FIRRM: variants seen among roughly 807,000 people sequenced by gnomAD.
The protein encoded by FIRRM is FIGNL1 interacting regulator of recombination and mitosis.
the FIRRM span, among the ~76,000 whole-genome samples, chr1:169,839,320 G>C: frequency 6.6e-6 from 1 of 152,216 alleles, no homozygotes; most frequent in Non-Finnish European, 1.5e-5. Context: ...TGGTAGTTCT[G>C]AGTTCTTTGA....
chr1:169,786,985 A>G, the FIRRM span, among the ~76,000 whole-genome samples: 1 of 152,120 alleles, frequency 6.6e-6, no homozygotes, highest in African/African-American at 2.4e-5. Flanking sequence ...AGACTTTGAA[A>G]ATTACTAGAG....
the FIRRM span, chr1:169,853,747 T>G: frequency 6.2e-7 from 1 of 1,613,788 alleles, no homozygotes; most frequent in Non-Finnish European, 8.5e-7. Context: ...CAGCTCCCCT[T>G]CTTCTTCCCA....
the FIRRM span, chr1:169,823,583 A>G: frequency 1.7e-6 from 1 of 603,288 alleles, no homozygotes; most frequent in Non-Finnish European, 2.8e-6. Flanking sequence ...TTAATGTTTT[A>G]GTAATTTTTA....
At chr1:169,841,571 T>C in the FIRRM span, among the ~76,000 whole-genome samples, 3 of 152,188 alleles carry the variant, frequency 2.0e-5, no homozygotes, top group Non-Finnish European at 2.9e-5. Flanking sequence ...AGAGAGAGAA[T>C]TGAGTATTTT....
the FIRRM span, among the ~76,000 whole-genome samples, chr1:169,838,984 A>G: frequency 8.5e-5 from 13 of 152,142 alleles, no homozygotes; most frequent in African/African-American, 3.1e-4. Flanking sequence ...CTTTATGTCC[A>G]TGAGTGCCCA....
chr1:169,820,724 G>A, the FIRRM span, among the ~76,000 whole-genome samples: 1 of 152,122 alleles, frequency 6.6e-6, no homozygotes, highest in South Asian at 2.1e-4. Flanking sequence ...ACTACTTAAC[G>A]AAAGTTGACT....
chr1:169,806,641 C>T, the FIRRM span, among the ~76,000 whole-genome samples: 38 of 152,286 alleles, frequency 2.5e-4, 1 homozygote, highest in East Asian at 7.1e-3. Context: ...TATACACATA[C>T]ATAAAACATT....
the FIRRM span, chr1:169,832,631 C>T: frequency 9.0e-6 from 6 of 667,408 alleles, no homozygotes; most frequent in Admixed American, 1.1e-4. Flanking sequence ...GAGACAGAGT[C>T]TCGCTCTGTC....
the FIRRM span, chr1:169,792,937 C>A: frequency 6.2e-7 from 1 of 1,614,046 alleles, no homozygotes; most frequent in Non-Finnish European, 8.5e-7. Context: ...CTTTTGGTTT[C>A]CTGCATCTTT....
chr1:169,849,665 C>A, the FIRRM span: 2 of 1,299,940 alleles, frequency 1.5e-6, no homozygotes, highest in African/African-American at 1.5e-5. Flanking sequence ...TCAAATATTC[C>A]AGAACAATCC....
chr1:169,827,886 G>A, the FIRRM span: 1 of 1,590,148 alleles, frequency 6.3e-7, no homozygotes, highest in Non-Finnish European at 8.6e-7. Context: ...TGGTTAAGAA[G>A]GCCCTGTTGT....
chr1:169,792,605 A>G, the FIRRM span: 23 of 1,568,188 alleles, frequency 1.5e-5, no homozygotes, highest in South Asian at 1.6e-4. Flanking sequence ...AGTTATTTCA[A>G]TTATGAACCT....
At chr1:169,803,789 C>T in the FIRRM span, among the ~76,000 whole-genome samples, 2 of 152,162 alleles carry the variant, frequency 1.3e-5, no homozygotes, top group Non-Finnish European at 2.9e-5. Flanking sequence ...ATGAAAATCA[C>T]TAGTTAATTA....
At chr1:169,842,287 TA>T in the FIRRM span, 3 of 820,284 alleles carry the variant, frequency 3.7e-6, no homozygotes, top group African/African-American at 1.8e-5. Flanking sequence ...CTTTGGCTCT[TA>T]GAAATATTAT....
At chr1:169,816,768 T>C in the FIRRM span, among the ~76,000 whole-genome samples, 1 of 152,158 alleles carries the variant, frequency 6.6e-6, no homozygotes, top group Non-Finnish European at 1.5e-5. Flanking sequence ...TGAGGCAAGT[T>C]TTCCCAAGGG....
the FIRRM span, among the ~76,000 whole-genome samples, chr1:169,815,906 T>C: frequency 1.2e-4 from 19 of 152,236 alleles, 1 homozygote; most frequent in Admixed American, 1.1e-3. Flanking sequence ...TTCTTCGGGC[T>C]GAATAGGGAT....
chr1:169,825,278 C>G, the FIRRM span, among the ~76,000 whole-genome samples: 1 of 152,214 alleles, frequency 6.6e-6, no homozygotes. Flanking sequence ...TGCTCAACCC[C>G]TCAAAATGAC....
chr1:169,830,856 G>T, the FIRRM span: 11 of 1,022,428 alleles, frequency 1.1e-5, no homozygotes, highest in African/African-American at 1.1e-4. Context: ...ACAGTAACAA[G>T]ATTGTTTTGA....
At chr1:169,793,919 AAAG>A in the FIRRM span, 3 of 397,516 alleles carry the variant, frequency 7.5e-6, no homozygotes, top group Non-Finnish European at 1.3e-5. Flanking sequence ...AAAAAAAAAA[AAAG>A]AAAGAAAATG....
Sources: allele counts gnomAD v4.1 joint callset (sites outside exome capture counted in the v4.1 genomes callset), GRCh38; gene constraint gnomAD v4.1.1; transcripts MANE v1.5; gene names NCBI Gene and HGNC (gene_info 2026-07-23, HGNC 2026-07-21).